The following ADAMTS9 variants were observed in gnomAD, a reference collection of about 807,000 sequenced individuals.
ADAMTS9 encodes ADAM metallopeptidase with thrombospondin type 1 motif 9, also known as A disintegrin and metalloproteinase with thrombospondin motifs 9.
ADAMTS9 carries 107 observed loss-of-function variants against 257.1 expected under a neutral mutation model. The observed-to-expected ratio is 0.42, with a 90% confidence interval of 0.36 to 0.49. The LOEUF is 0.49. Ranked by LOEUF, ADAMTS9 falls within the 20% of genes least tolerant of loss-of-function variation. The pLI is 0.03. For missense variants in ADAMTS9, 2,353 were observed against 2,469.1 expected (o/e 0.95, Z 1.00); for synonymous variants, 982 against 880.9 (o/e 1.11, Z -2.03).
At chr3:64,625,215 C>T (rs1418553855) in intron 16 of ADAMTS9, among the ~76,000 whole-genome samples, 1 of 152,182 alleles carries the variant, frequency 6.6e-6, no homozygotes, top group Non-Finnish European at 1.5e-5. Flanking sequence ...GATTCACCAA[C>T]AGCATCATGT....
At position 64,553,670 on chromosome 3, in the gene ADAMTS9, A is replaced by C. The variant is rs191772244; in HGVS notation, c.4699-2608T>G. 3.5e-4 allele frequency among the ~76,000 whole-genome samples: 54 copies of C among 152,172 alleles called. No homozygotes were observed. The East Asian group carries it at 8.0e-3, about 22-fold the overall frequency. On this transcript the variant is annotated intron_variant, in intron 30 of 39. Coordinates refer to ENST00000498707, the MANE Select transcript of ADAMTS9 (RefSeq NM_182920.2). ...TGGCATTTCCTGGTAGCCCCTTGTC[A>C]CTTGCAAACTAAACTTAAAATTTCT... is the stretch of plus-strand genomic sequence containing the variant.
At chr3:64,571,022 A>C (rs6809120) in intron 28 of ADAMTS9, among the ~76,000 whole-genome samples, 29,285 of 152,148 alleles carry the variant, frequency 0.19, 4,531 homozygotes, top group East Asian at 0.44. Flanking sequence ...ACAAGTCTAT[A>C]TGTAGGGACA....
Position 64,686,430 on chromosome 3 carries a change from A to C in ADAMTS9, c.516+138T>G. The C allele has an allele frequency of 3.3e-6, 4 of 1,225,204 alleles. No homozygotes were observed. Among genetic ancestry groups the C allele is most frequent in the Non-Finnish European group, 4.4e-6 (4 of 901,862 alleles). The allele number at this position is 1,225,204 out of a possible 1,614,324, so 75.9% of individuals were successfully genotyped here. A position where few individuals can be genotyped will look rare whatever the true frequency, so the allele number is the denominator to read the frequency against. On this transcript the variant is annotated intron_variant, in intron 2 of 39. Transcript: ENST00000498707. This position sits in a 1 kb window ranked among gnomAD's most constrained non-coding sequence, Gnocchi z 4.6. ...CAGAGCTAGCTACCCAAACCATACG[A>C]GTTTCTAGCTGATATTTAACGCCGG...
intron 28 of ADAMTS9, among the ~76,000 whole-genome samples, chr3:64,578,107 A>G (rs1052049292): frequency 6.6e-6 from 1 of 152,202 alleles, no homozygotes; most frequent in Non-Finnish European, 1.5e-5. Context: ...CTGAGCCTGT[A>G]TCCAGAGAAA....
chr3:64,681,895 G>T (rs1701767281), intron 2 of ADAMTS9, among the ~76,000 whole-genome samples: 1 of 152,136 alleles, frequency 6.6e-6, no homozygotes, highest in South Asian at 2.1e-4. Flanking sequence ...AATCATTCCT[G>T]CAGGCTGTCG....
intron 9 of ADAMTS9, 67 bp from the exon 10 acceptor site, chr3:64,649,845 A>G: frequency 1.3e-6 from 2 of 1,532,716 alleles, no homozygotes; most frequent in Non-Finnish European, 1.8e-6. Context: ...CCCAGGTAAC[A>G]GTAAAGGCCA....
chr3:64,627,111 A>T (rs1700242215), intron 16 of ADAMTS9, among the ~76,000 whole-genome samples: 1 of 152,218 alleles, frequency 6.6e-6, no homozygotes, highest in African/African-American at 2.4e-5. Context: ...GGAAATAAAA[A>T]GTCAGATGCC....
chr3:64,602,400 A>G (rs974524417), intron 25 of ADAMTS9, among the ~76,000 whole-genome samples, 187 bp from the exon 26 acceptor site: 5 of 152,196 alleles, frequency 3.3e-5, no homozygotes, highest in Admixed American at 6.5e-5. Context: ...CTGTCAGCTC[A>G]GTATTCAAAA....
rs143471144 is a variant in ADAMTS9 at position 64,622,267 on chromosome 3, C to T, written c.2617G>A (p.Glu873Lys). The T allele has an allele frequency of 7.4e-5, 120 of 1,613,740 alleles. No individual in the cohort carries two copies. The highest frequency in any genetic ancestry group is 9.7e-5 in the Non-Finnish European group (115 of 1,179,946). The change falls in exon 18 of 40, where the codon GAA becomes AAA. Residue 873 changes from glutamate (E) to lysine (K), a missense_variant. Coordinates refer to ENST00000498707, the MANE Select transcript of ADAMTS9 (RefSeq NM_182920.2). The stretch of plus-strand genomic sequence containing the variant: ...CAGTAAAACTGCTGAGGTTTATCTT[C>T]AATTGGAATATTGAAAGAATAGCGT... ...DVRYSFNIPI[E>K]DKPQQFYWNS...
intron 21 of ADAMTS9, 106 bp downstream of exon 21, chr3:64,615,215 G>C (rs1378912626): frequency 1.6e-6 from 2 of 1,289,534 alleles, no homozygotes; most frequent in African/African-American, 1.5e-5. Flanking sequence ...GGGAGAAAGG[G>C]AGAGGTGGGA....
At chr3:64,540,037 T>A (rs9847307) in intron 36 of ADAMTS9, among the ~76,000 whole-genome samples, 11,073 of 152,290 alleles carry the variant, frequency 0.073, 1,349 homozygotes, top group Admixed American at 0.3. Flanking sequence ...CTGCCTCGTC[T>A]TTCAGGAATG....
chr3:64,530,415 G>A (rs918979059), intron 38 of ADAMTS9, among the ~76,000 whole-genome samples: 5 of 151,878 alleles, frequency 3.3e-5, no homozygotes, highest in African/African-American at 7.3e-5. Flanking sequence ...GACAGCCGGG[G>A]GCTAGAGAGG....
At chr3:64,630,844 C>G (rs531364233) in intron 16 of ADAMTS9, among the ~76,000 whole-genome samples, 1 of 152,108 alleles carries the variant, frequency 6.6e-6, no homozygotes, top group Non-Finnish European at 1.5e-5. Flanking sequence ...AAAATCAACA[C>G]AGGGTCATCG....
chr3:64,604,347 G>GAA lies in ADAMTS9; in HGVS notation c.3475-18_3475-17dup. 13 of 1,469,092 alleles carry GAA rather than the reference G, an allele frequency of 8.8e-6. No homozygotes were observed. Among genetic ancestry groups the GAA allele is most frequent in the Admixed American group, 2.2e-5 (1 of 46,158 alleles). The allele number at this position is 1,469,092 out of a possible 1,614,324, so 91.0% of individuals were successfully genotyped here. On this transcript the variant is annotated splice_polypyrimidine_tract_variant and intron_variant, in intron 23 of 39. Coordinates refer to ENST00000498707, the MANE Select transcript of ADAMTS9 (RefSeq NM_182920.2). ...ATTCACAGTCCTAGACGTGATGGGG[G>GAA]AAAAAAAAACAAAGTCACTTTCAAG...
chr3:64,622,685 C>T (rs143881295), intron 16 of ADAMTS9, 99 bp from the exon 17 acceptor site: 153 of 1,330,104 alleles, frequency 1.2e-4, no homozygotes, highest in Middle Eastern at 7.2e-4. Flanking sequence ...TCGCTGTGCA[C>T]GGAATGGGGA....
chr3:64,685,500 G>T (rs1345939077), intron 2 of ADAMTS9, among the ~76,000 whole-genome samples: 1 of 152,210 alleles, frequency 6.6e-6, no homozygotes, highest in Non-Finnish European at 1.5e-5. Flanking sequence ...ACACGCGCGT[G>T]GCAGAAACGC....
intron 11 of ADAMTS9, 84 bp from the exon 12 acceptor site, chr3:64,642,077 T>C (rs563244419): frequency 2.8e-6 from 4 of 1,448,852 alleles, no homozygotes; most frequent in East Asian, 2.3e-5. Flanking sequence ...CACACCATAC[T>C]GTAATTCTTT....
rs13095235 is a variant in ADAMTS9 at position 64,648,664 on chromosome 3, C to G, written c.1606-620G>C. 2.0e-5 allele frequency among the ~76,000 whole-genome samples: 3 copies of G among 152,036 alleles called. No homozygotes were observed. The East Asian group carries it at 5.8e-4, about 29-fold the overall frequency. ...TAAATAGAAAAAGTTTCAAACTACC[C>G]AGTCTTTTCTGTAGCTTTTTCTCCC... On this transcript the variant is annotated intron_variant, in intron 10 of 39. Transcript: ENST00000498707.
At chr3:64,589,146 G>A (rs1224129658) in intron 28 of ADAMTS9, 1 of 152,132 alleles carries the variant, frequency 6.6e-6, no homozygotes, top group Non-Finnish European at 1.5e-5. Context: ...GGCTAAAAAT[G>A]TATCTGTAAA....
Sources: gnomAD v4.1 joint callset for allele counts (sites outside exome capture counted in the v4.1 genomes callset) on GRCh38, gnomAD v4.1.1 for gene constraint, Gnocchi (gnomAD v3.1) non-coding constraint, MANE v1.5 for transcripts, NCBI Gene and HGNC (gene_info 2026-07-23, HGNC 2026-07-21) for gene names.